The following IGSF21 variants were observed in gnomAD, a reference collection of about 807,000 sequenced individuals.
IGSF21 encodes immunoglobin superfamily member 21, also known as immunoglobulin superfamily member 21.
Under a neutral mutation model 46.8 loss-of-function variants are expected in IGSF21, and 28 were observed. The observed-to-expected ratio is 0.60, with a 90% CI of 0.44 to 0.82. The LOEUF is 0.82. Among genes scored for constraint, IGSF21 ranks in the 40% least tolerant of loss-of-function variants. The pLI is 0.00. For synonymous variants in IGSF21, 284 were observed against 273.6 expected, an observed-to-expected ratio of 1.04 and a Z score of -0.38; for missense variants, 624 against 665.5, an observed-to-expected ratio of 0.94 and a Z score of 0.69.
intron 4 of IGSF21, among the ~76,000 whole-genome samples, chr1:18,341,121 T>C (rs555549843): frequency 6.7e-6 from 1 of 148,624 alleles, no homozygotes; most frequent in Non-Finnish European, 1.5e-5. Flanking sequence ...TCCTTCTCCT[T>C]CTTCTTCTCT....
At chr1:18,319,522 ACTTTGT>A (rs2085579877) in intron 3 of IGSF21, among the ~76,000 whole-genome samples, 1 of 150,588 alleles carries the variant, frequency 6.6e-6, no homozygotes, top group Non-Finnish European at 1.5e-5. Context: ...TGAAGATGAA[ACTTTGT>A]CTTTGACTTT....
intron 2 of IGSF21, among the ~76,000 whole-genome samples, chr1:18,260,303 G>T (rs2084934648): frequency 6.6e-6 from 1 of 152,264 alleles, no homozygotes; most frequent in Non-Finnish European, 1.5e-5. Flanking sequence ...GCCCAGAAAT[G>T]GTGGCAGGAG....
At chr1:18,238,738 A>G (rs990915125) in intron 2 of IGSF21, among the ~76,000 whole-genome samples, 2 of 152,154 alleles carry the variant, frequency 1.3e-5, no homozygotes, top group African/African-American at 4.8e-5. Context: ...AAGACACGGC[A>G]TATCTAAGGA....
chr1:18,244,807 AAATAAT>A (rs879434282), intron 2 of IGSF21, among the ~76,000 whole-genome samples: 16 of 152,014 alleles, frequency 1.1e-4, no homozygotes, highest in African/African-American at 3.9e-4. Flanking sequence ...TATTATCTGC[AAATAAT>A]AATAATAATA....
At chr1:18,242,412 G>A (rs1029325402) in intron 2 of IGSF21, among the ~76,000 whole-genome samples, 6 of 152,188 alleles carry the variant, frequency 3.9e-5, no homozygotes, top group African/African-American at 1.4e-4. Context: ...TAATGAGAGG[G>A]ATGGCTTCTG....
In IGSF21 at chr1:18,138,129, G is replaced by A. The variant is rs986190593; in HGVS notation, c.70+29931G>A. On this transcript the variant is annotated intron_variant, in intron 1 of 9. Coordinates refer to ENST00000251296, the MANE Select transcript of IGSF21 (RefSeq NM_032880.5). Reference sequence around the variant, plus strand: ...GGGTTGGGCTGAAGATAATGGGTTCGTAAGTGACAGGTGGGCTGAGCTGGG... The same window carrying A: ...GGGTTGGGCTGAAGATAATGGGTTCATAAGTGACAGGTGGGCTGAGCTGGG... Among the ~76,000 whole-genome samples the A allele has an allele frequency of 9.2e-5, 14 of 152,210 alleles. No individual in the cohort carries two copies. In the South Asian group the frequency reaches 1.0e-3, roughly 11 times the overall value.
At chr1:18,217,208 C>T (rs1275545092) in intron 1 of IGSF21, among the ~76,000 whole-genome samples, 1 of 152,188 alleles carries the variant, frequency 6.6e-6, no homozygotes, top group African/African-American at 2.4e-5. Context: ...ATTCTTGTCA[C>T]CACTGCTGCA....
At chr1:18,259,412 A>G (rs563811911) in intron 2 of IGSF21, among the ~76,000 whole-genome samples, 79 of 152,342 alleles carry the variant, frequency 5.2e-4, no homozygotes, top group Non-Finnish European at 9.4e-4. Flanking sequence ...ACCCTGTCCC[A>G]GAATCATAGA....
chr1:18,173,587 G>T (rs1045629400), intron 1 of IGSF21, among the ~76,000 whole-genome samples: 2 of 152,114 alleles, frequency 1.3e-5, no homozygotes, highest in African/African-American at 4.8e-5. Context: ...GTGTCTTTTG[G>T]GTCTGGCTTT....
intron 2 of IGSF21, among the ~76,000 whole-genome samples, chr1:18,250,191 A>G (rs1464928563): frequency 1.3e-5 from 2 of 148,236 alleles, no homozygotes; most frequent in African/African-American, 2.5e-5. Context: ...GGGAATTCAC[A>G]TGTGTATTGC....
intron 1 of IGSF21, among the ~76,000 whole-genome samples, chr1:18,219,478 G>A (rs1025600833): frequency 2.6e-5 from 4 of 152,148 alleles, no homozygotes; most frequent in Non-Finnish European, 5.9e-5. Flanking sequence ...AGAACAGGTG[G>A]GCCAGTGAGG....
At chr1:18,362,312 A>C (rs1337616722) in intron 5 of IGSF21, 82 bp downstream of exon 5, 3 of 987,588 alleles carry the variant, frequency 3.0e-6, no homozygotes. Flanking sequence ...AGGTGTCGCC[A>C]CTGTGCCTGG....
intron 1 of IGSF21, among the ~76,000 whole-genome samples, chr1:18,146,167 T>A (rs1243188414): frequency 6.6e-6 from 1 of 152,182 alleles, no homozygotes; most frequent in Non-Finnish European, 1.5e-5. Context: ...GAATATGTAA[T>A]CAATGCCAGT....
intron 2 of IGSF21, among the ~76,000 whole-genome samples, chr1:18,268,527 C>T (rs1201358986): frequency 6.6e-6 from 1 of 152,196 alleles, no homozygotes; most frequent in Non-Finnish European, 1.5e-5. Flanking sequence ...AGACAGGTCA[C>T]CAAGCTTACA....
intron 1 of IGSF21, among the ~76,000 whole-genome samples, chr1:18,212,781 T>G (rs1341366923): frequency 3.3e-5 from 5 of 152,310 alleles, no homozygotes; most frequent in Middle Eastern, 3.4e-3. Flanking sequence ...TGTGGTCACA[T>G]TGGTCTCAGC....
At chr1:18,363,404 G>A (rs1372653922) in intron 5 of IGSF21, among the ~76,000 whole-genome samples, 1 of 152,134 alleles carries the variant, frequency 6.6e-6, no homozygotes, top group African/African-American at 2.4e-5. Context: ...TGGTAAATGG[G>A]TCTGTAGAGG....
At chr1:18,108,279 T>A in intron 1 of IGSF21, 81 bp downstream of exon 1, 2 of 1,256,098 alleles carry the variant, frequency 1.6e-6, no homozygotes, top group Non-Finnish European at 2.0e-6. Context: ...CTGGCCGGGG[T>A]CGCTCCGAGA....
At chr1:18,367,250 A>G (rs1346519207) in intron 6 of IGSF21, among the ~76,000 whole-genome samples, 5 of 151,906 alleles carry the variant, frequency 3.3e-5, no homozygotes. Context: ...AAAACCCAAC[A>G]CCTCCTCAGT....
intron 3 of IGSF21, among the ~76,000 whole-genome samples, chr1:18,328,954 G>A (rs546323340): frequency 7.6e-4 from 115 of 152,298 alleles, no homozygotes; most frequent in Non-Finnish European, 1.4e-3. Flanking sequence ...TAAGGGGCCC[G>A]CCAGAAGCTT....
Sources: gnomAD v4.1 joint callset for allele counts (sites outside exome capture counted in the v4.1 genomes callset) on GRCh38, gnomAD v4.1.1 for gene constraint, MANE v1.5 for transcripts, NCBI Gene and HGNC (gene_info 2026-07-23, HGNC 2026-07-21) for gene names.